The following PDE8A variants were observed in gnomAD, a reference collection of about 807,000 sequenced individuals.
The protein encoded by PDE8A is phosphodiesterase 8A, also known as high affinity cAMP-specific and IBMX-insensitive 3',5'-cyclic phosphodiesterase 8A.
Under a neutral mutation model 105.0 loss-of-function variants are expected in PDE8A, and 59 were observed. The observed-to-expected ratio is 0.56, with a 90% CI of 0.46 to 0.70. The LOEUF (loss-of-function observed/expected upper bound fraction) is 0.70. Among genes scored for constraint, PDE8A ranks in the 30% least tolerant of loss-of-function variants. The pLI is 0.00. For synonymous variants in PDE8A, 355 were observed against 371.9 expected, an observed-to-expected ratio of 0.95 and a Z score of 0.52; for missense variants, 1,014 against 1,045.9, an observed-to-expected ratio of 0.97 and a Z score of 0.42.
intron 1 of PDE8A, among the ~76,000 whole-genome samples, chr15:84,990,720 C>T (rs776272286): frequency 6.6e-6 from 1 of 152,224 alleles, no homozygotes; most frequent in Non-Finnish European, 1.5e-5. Flanking sequence ...TGGACATGTG[C>T]TTTCATTCCC....
rs141296541 is a variant in PDE8A at position 85,068,055 on chromosome 15, T to C, written c.434+851T>C. On this transcript the variant is annotated intron_variant, in intron 3 of 21. Coordinates refer to ENST00000394553, the MANE Select transcript of PDE8A (RefSeq NM_002605.3). ...TTGTAGCCCAGATTTCTTTTTTTTT[T>C]TCTTGTGACGGAGTCTCACTCTGTA... is the stretch of plus-strand genomic sequence containing the variant. Among the ~76,000 whole-genome samples the C allele has an allele frequency of 3.9e-5, 6 of 152,214 alleles. No individual in the cohort carries two copies. In the East Asian group the frequency reaches 5.8e-4, roughly 15 times the overall value.
chr15:85,043,520 A>G (rs1308161585), intron 1 of PDE8A, among the ~76,000 whole-genome samples: 1 of 151,984 alleles, frequency 6.6e-6, no homozygotes, highest in East Asian at 1.9e-4. Flanking sequence ...GACTATTCTC[A>G]TTTTTCTATG....
At position 85,116,081 on chromosome 15, in the gene PDE8A, C is replaced by G; in HGVS notation, c.1497C>G (p.Asp499Glu). Residue 499 changes from aspartate to glutamate, a missense_variant, in exon 16 of 22, where the codon GAC (aspartate) becomes GAG (glutamate). Physicochemically the swap from Asp to Glu is conservative, Grantham distance 45 (BLOSUM62 2). Transcript: ENST00000394553. Reference protein sequence around the residue: ...ARAMENEEYWDFDIFELEAAT... With the variant: ...ARAMENEEYWEFDIFELEAAT... ...CCATGGAAAATGAGGAATACTGGGACTTTGATATTTTTGAACTGGAGGCTG... is the reference window on the plus strand; with the variant it reads ...CCATGGAAAATGAGGAATACTGGGAGTTTGATATTTTTGAACTGGAGGCTG... 1 of 1,614,044 alleles carries G rather than the reference C, an allele frequency of 6.2e-7. No homozygotes were observed. Among genetic ancestry groups the G allele is most frequent in the South Asian group, 1.1e-5 (1 of 91,082 alleles).
At chr15:85,126,659 G>A (rs1017787033) in intron 20 of PDE8A, among the ~76,000 whole-genome samples, 1 of 151,580 alleles carries the variant, frequency 6.6e-6, no homozygotes, top group Non-Finnish European at 1.5e-5. Flanking sequence ...TTCTTTCTGA[G>A]TAGAAAAAAC....
At chr15:85,055,528 CTCT>C (rs886451496) in intron 1 of PDE8A, among the ~76,000 whole-genome samples, 19 of 152,328 alleles carry the variant, frequency 1.2e-4, no homozygotes, top group African/African-American at 4.6e-4. Flanking sequence ...GGATAGTTAG[CTCT>C]TCTTGTTGAA....
intron 9 of PDE8A, 22 bp downstream of exon 9, chr15:85,098,058 A>G (rs1235424343): frequency 2.3e-6 from 3 of 1,284,242 alleles, no homozygotes; most frequent in Non-Finnish European, 3.4e-6. Context: ...AAACAAGTAC[A>G]TCAATCAACA....
chr15:85,083,245 C>T (rs1473479892), intron 5 of PDE8A, among the ~76,000 whole-genome samples: 4 of 152,094 alleles, frequency 2.6e-5, no homozygotes, highest in Non-Finnish European at 5.9e-5. Flanking sequence ...ATGTTCTAGC[C>T]TTGCTTTGTC....
In PDE8A at chr15:84,982,068, G is replaced by T; in HGVS notation, c.-95G>T. Reference sequence around the variant, plus strand: ...CGCCGCCGCCCGCCCAGGCGGCGATGACACGGCGCCCGCGGCGGCCCGGAG... The same window carrying T: ...CGCCGCCGCCCGCCCAGGCGGCGATTACACGGCGCCCGCGGCGGCCCGGAG... On this transcript the variant is annotated 5_prime_UTR_variant, in exon 1 of 22. An upstream start codon of the reference 5' UTR is lost. Transcript: ENST00000394553. The T allele has an allele frequency of 1.3e-6, 1 of 744,240 alleles. No individual in the cohort carries two copies. The highest frequency in any genetic ancestry group is 6.6e-5 in the South Asian group (1 of 15,086). 46.1% of individuals were successfully genotyped at this position (744,240 alleles called of 1,614,324 possible). A position where few individuals can be genotyped will look rare whatever the true frequency, so the allele number is the denominator to read the frequency against.
At chr15:85,005,458 G>T (rs2080131284) in intron 1 of PDE8A, among the ~76,000 whole-genome samples, 1 of 152,118 alleles carries the variant, frequency 6.6e-6, no homozygotes, top group African/African-American at 2.4e-5. Context: ...AATATTCCAG[G>T]CCATTTTAGA....
At chr15:85,000,553 C>T (rs904738920) in intron 1 of PDE8A, among the ~76,000 whole-genome samples, 9 of 152,076 alleles carry the variant, frequency 5.9e-5, no homozygotes, top group African/African-American at 1.9e-4. Context: ...TGTAGGCTGG[C>T]TGGAGGTGGT....
intron 20 of PDE8A, among the ~76,000 whole-genome samples, chr15:85,128,296 G>A (rs2082285831): frequency 1.3e-5 from 2 of 152,104 alleles, no homozygotes; most frequent in South Asian, 4.1e-4. Context: ...CTTGAGTCCA[G>A]GAGTTCAAGA....
chr15:85,083,380 A>T (rs2081498882), intron 5 of PDE8A, among the ~76,000 whole-genome samples, 176 bp from the exon 6 acceptor site: 1 of 152,160 alleles, frequency 6.6e-6, no homozygotes, highest in Admixed American at 6.5e-5. Context: ...CCTATTTTTT[A>T]AAAAGCTAAT....
chr15:85,027,664 TG>T (rs1004048691), intron 1 of PDE8A, among the ~76,000 whole-genome samples: 5 of 152,378 alleles, frequency 3.3e-5, no homozygotes, highest in African/African-American at 1.2e-4. Flanking sequence ...TGCGATTAAA[TG>T]GTAAATTTTG....
intron 1 of PDE8A, among the ~76,000 whole-genome samples, chr15:84,992,512 T>C (rs2079902462): frequency 6.6e-6 from 1 of 152,010 alleles, no homozygotes; most frequent in East Asian, 1.9e-4. Flanking sequence ...TTCAGCGGGG[T>C]AGTCAAAGGA....
chr15:85,064,781 C>T (rs2081196094), intron 2 of PDE8A, among the ~76,000 whole-genome samples: 1 of 152,060 alleles, frequency 6.6e-6, no homozygotes, highest in South Asian at 2.1e-4. Context: ...GCCTGGGCAA[C>T]ATAGGGAGAC....
chr15:85,107,504 AT>A (rs2081964195), intron 11 of PDE8A, among the ~76,000 whole-genome samples: 1 of 152,180 alleles, frequency 6.6e-6, no homozygotes, highest in Non-Finnish European at 1.5e-5. Flanking sequence ...AGGATGACAA[AT>A]GTCTGAGCTT....
chr15:84,988,473 A>G (rs769441714), intron 1 of PDE8A, among the ~76,000 whole-genome samples: 1 of 152,182 alleles, frequency 6.6e-6, no homozygotes, highest in Non-Finnish European at 1.5e-5. Context: ...CTGAAGCTAG[A>G]TATTTTGTGA....
intron 1 of PDE8A, among the ~76,000 whole-genome samples, chr15:85,053,723 A>T (rs1281796326): frequency 6.6e-6 from 1 of 152,256 alleles, no homozygotes; most frequent in Non-Finnish European, 1.5e-5. Flanking sequence ...TTGGGCTGAG[A>T]CAATGGGGTT....
chr15:85,085,524 C>G (rs35845738), intron 6 of PDE8A, among the ~76,000 whole-genome samples: 31,319 of 151,750 alleles, frequency 0.21, 4,228 homozygotes, highest in Middle Eastern at 0.33. Flanking sequence ...ATGGCGAAAC[C>G]CTGTCTCTAT....
Sources: gnomAD v4.1 joint callset for allele counts (sites outside exome capture counted in the v4.1 genomes callset) on GRCh38, gnomAD v4.1.1 for gene constraint, MANE v1.5 for transcripts, NCBI Gene and HGNC (gene_info 2026-07-23, HGNC 2026-07-21) for gene names.